The following SLC66A1 variants were observed in gnomAD, a reference collection of about 807,000 sequenced individuals.
SLC66A1 encodes solute carrier family 66 member 1.
In SLC66A1, 23 loss-of-function variants were observed where a neutral mutation model predicts 33.0. The ratio of observed to expected loss-of-function variants is 0.70; its 90% confidence interval spans 0.50 to 0.99. The LOEUF is 0.99. Ranked by LOEUF, SLC66A1 falls within the 50% of genes least tolerant of loss-of-function variation. The pLI is 0.00. For missense variants in SLC66A1, 335 were observed against 383.6 expected (o/e 0.87, Z 1.06); for synonymous variants, 164 against 175.5 (o/e 0.93, Z 0.52).
chr1:19,315,245 A>G (rs1484156018), intron 1 of SLC66A1, among the ~76,000 whole-genome samples: 1 of 152,136 alleles, frequency 6.6e-6, no homozygotes, highest in Non-Finnish European at 1.5e-5. Context: ...GTGGCCTTTC[A>G]GGGGCCGGAG....
At chr1:19,331,678 C>T (rs12117357), downstream of SLC66A1, among the ~76,000 whole-genome samples, 28,532 of 152,142 alleles carry the variant, frequency 0.19, 3,044 homozygotes, top group Non-Finnish European at 0.22. Flanking sequence ...CTAGATGTCT[C>T]GCTCCACCTG....
At chr1:19,333,694 G>GGA (rs1194556434), downstream of SLC66A1, among the ~76,000 whole-genome samples, 1 of 152,120 alleles carries the variant, frequency 6.6e-6, no homozygotes, top group Non-Finnish European at 1.5e-5. This position sits in a 1 kb window ranked among gnomAD's most constrained non-coding sequence, Gnocchi z 4.2. Flanking sequence ...ACTCATGCCT[G>GGA]GAATCCCAAC....
chr1:19,328,745 G>T lies in SLC66A1; in HGVS notation c.*102G>T. On this transcript the variant is annotated 3_prime_UTR_variant, in exon 8 of 8. Coordinates refer to ENST00000375153, the MANE Select transcript of SLC66A1 (RefSeq NM_001040125.2). This position sits in a 1 kb window ranked among gnomAD's most constrained non-coding sequence, Gnocchi z 4.7. ...GTACGGCGGCCCTGCATCAGCCTGC[G>T]GGTGGCCTCTGGATCCTCCGTGGAC... 7.6e-7 allele frequency: 1 copy of T among 1,318,026 alleles called. No individual in the cohort carries two copies. Among genetic ancestry groups the T allele is most frequent in the Non-Finnish European group, 1.1e-6 (1 of 946,560 alleles). The allele number at this position is 1,318,026 out of a possible 1,614,324, so 81.6% of individuals were successfully genotyped here.
At chr1:19,327,134 A>C (rs1368763756) in intron 6 of SLC66A1, 93 bp from the exon 7 acceptor site, 5 of 1,265,552 alleles carry the variant, frequency 4.0e-6, no homozygotes, top group East Asian at 4.7e-5. Flanking sequence ...GAGCAGGTGC[A>C]CTGTGGTGGG....
In SLC66A1 at chr1:19,324,622, C is replaced by T. The variant is rs1315661009; in HGVS notation, c.165-11C>T. On this transcript the variant is annotated splice_polypyrimidine_tract_variant and intron_variant, in intron 2 of 7. Transcript: ENST00000375153. ...CCTGAGCATGCATCCCTTCCTCTTC[C>T]TCTTCCACAGCCAGTTCATCAAAGC... 6 of 1,613,960 alleles carry T rather than the reference C, an allele frequency of 3.7e-6. No homozygotes were observed. The highest frequency in any genetic ancestry group is 2.2e-5 in the East Asian group (1 of 44,890).
rs866555867 is a variant in SLC66A1, at chr1:19,317,586, C to T, written c.-78-14C>T. ...CCTCCCAGTGCTGAAAGCCTCCTCC[C>T]TTCCTCCCTGTAGAACCCTTGCTGG... On this transcript the variant is annotated splice_polypyrimidine_tract_variant and intron_variant, in intron 1 of 7. Coordinates refer to ENST00000375153, the MANE Select transcript of SLC66A1 (RefSeq NM_001040125.2). 1 of 1,537,198 alleles carries T rather than the reference C, an allele frequency of 6.5e-7. No homozygotes were observed. Among genetic ancestry groups the T allele is most frequent in the East Asian group, 2.3e-5 (1 of 44,172 alleles).
At chr1:19,333,438 T>C (rs2093897475), downstream of SLC66A1, among the ~76,000 whole-genome samples, 1 of 152,044 alleles carries the variant, frequency 6.6e-6, no homozygotes, top group Admixed American at 6.6e-5. This position sits in a 1 kb window ranked among gnomAD's most constrained non-coding sequence, Gnocchi z 4.2. Context: ...CACCTCAGCC[T>C]CCCAAATTTG....
At chr1:19,315,427 T>C (rs859216) in intron 1 of SLC66A1, among the ~76,000 whole-genome samples, 104,321 of 152,138 alleles carry the variant, frequency 0.69, 36,299 homozygotes, top group African/African-American at 0.81. Flanking sequence ...AGGTCCAGGG[T>C]CTCTGCCCAC....
intron 4 of SLC66A1, among the ~76,000 whole-genome samples, chr1:19,325,874 G>T (rs1453583924): frequency 2.0e-5 from 3 of 152,190 alleles, no homozygotes; most frequent in African/African-American, 7.2e-5. Context: ...CCTGGGCTTG[G>T]AGCTGGGGAA....
chr1:19,315,588 C>T (rs1382405695), intron 1 of SLC66A1, among the ~76,000 whole-genome samples: 1 of 152,196 alleles, frequency 6.6e-6, no homozygotes, highest in Non-Finnish European at 1.5e-5. Flanking sequence ...CCTCCTGACA[C>T]AAGTGGGAAT....
downstream of SLC66A1, among the ~76,000 whole-genome samples, chr1:19,329,834 G>C (rs2093887619): frequency 6.6e-6 from 1 of 152,138 alleles, no homozygotes; most frequent in Non-Finnish European, 1.5e-5. Context: ...AGGTCAGAAG[G>C]ATGAGCGGGA....
intron 2 of SLC66A1, among the ~76,000 whole-genome samples, chr1:19,322,761 C>T (rs189632627): frequency 2.6e-5 from 4 of 152,236 alleles, no homozygotes; most frequent in East Asian, 1.9e-4. Flanking sequence ...CATCCTGGGG[C>T]GGCGAGCCTG....
intron 4 of SLC66A1, 55 bp from the exon 5 acceptor site, chr1:19,326,189 CG>C: frequency 6.5e-7 from 1 of 1,547,232 alleles, no homozygotes; most frequent in Non-Finnish European, 8.7e-7. Flanking sequence ...CACCCTCCCC[CG>C]ACAACCGCTG....
chr1:19,328,008 C>T lies in SLC66A1; in HGVS notation c.805-564C>T, dbSNP rs560265642. ...ACCTCTCTGTGCTGCCGTGTCTTCA[C>T]CTCAGTTAACAGCCACTGTCTCGTC... is the stretch of plus-strand genomic sequence containing the variant. On this transcript the variant is annotated intron_variant, in intron 7 of 7. Coordinates refer to ENST00000375153, the MANE Select transcript of SLC66A1 (RefSeq NM_001040125.2). This position sits in a 1 kb window ranked among gnomAD's most constrained non-coding sequence, Gnocchi z 4.7. 4.4e-4 allele frequency: 110 copies of T among 248,262 alleles called. No individual in the cohort carries two copies. Among genetic ancestry groups the T allele is most frequent in the African/African-American group, 2.2e-3 (99 of 44,168 alleles). The allele number at this position is 248,262 out of a possible 1,614,324, so 15.4% of individuals were successfully genotyped here.
At chr1:19,325,196 G>C (rs77428499) in intron 3 of SLC66A1, among the ~76,000 whole-genome samples, 36,129 of 152,044 alleles carry the variant, frequency 0.24, 4,588 homozygotes, top group South Asian at 0.33. Context: ...CCTGGTGTCA[G>C]GCCAAACCAG....
chr1:19,324,822 G>T, intron 3 of SLC66A1, 60 bp downstream of exon 3: 1 of 1,591,544 alleles, frequency 6.3e-7, no homozygotes, highest in Non-Finnish European at 8.5e-7. Flanking sequence ...CTGCAGGGTT[G>T]CCTGAGGAGA....
downstream of SLC66A1, among the ~76,000 whole-genome samples, chr1:19,331,754 G>A (rs1289432011): frequency 2.0e-5 from 3 of 152,236 alleles, no homozygotes; most frequent in South Asian, 2.1e-4. Flanking sequence ...CTGAAGATCT[G>A]GGGGCACAGT....
intron 2 of SLC66A1, among the ~76,000 whole-genome samples, chr1:19,320,412 CTTTTTTTTTTT>C (rs34520375): frequency 1.0e-5 from 1 of 98,630 alleles, no homozygotes; most frequent in Non-Finnish European, 1.9e-5. Context: ...GGTGGCCTGT[CTTTTTTTTTTT>C]TTTTTTTTTT....
In SLC66A1 at chr1:19,312,497, G is replaced by T. The variant is rs146897332; in HGVS notation, c.-471G>T. ...TGCGCCCTCCTTGTGGCGCGATATC[G>T]TGGGACGAGGCTCCGGGCCGGGACT... is the stretch of plus-strand genomic sequence containing the variant. On this transcript the variant is annotated 5_prime_UTR_variant, in exon 1 of 8. Coordinates refer to ENST00000375153, the MANE Select transcript of SLC66A1 (RefSeq NM_001040125.2). 1,497 of 159,304 alleles carry T rather than the reference G, an allele frequency of 9.4e-3. 36 individuals carry two copies. Among genetic ancestry groups the T allele is most frequent in the African/African-American group, 0.033 (1,395 of 41,878 alleles). 9.9% of individuals were successfully genotyped at this position (159,304 alleles called of 1,614,324 possible). A position where few individuals can be genotyped will look rare whatever the true frequency, so the allele number is the denominator to read the frequency against.
Sources: gnomAD v4.1 joint callset for allele counts (sites outside exome capture counted in the v4.1 genomes callset) on GRCh38, gnomAD v4.1.1 for gene constraint, Gnocchi (gnomAD v3.1) non-coding constraint, MANE v1.5 for transcripts, NCBI Gene and HGNC (gene_info 2026-07-23, HGNC 2026-07-21) for gene names.